The following KAZN variants were observed in gnomAD, a reference collection of about 807,000 sequenced individuals.
The protein encoded by KAZN is kazrin.
A neutral mutation model predicts 87.4 loss-of-function variants in KAZN; 40 were observed. The ratio of observed to expected loss-of-function variants is 0.46; its 90% confidence interval spans 0.36 to 0.60. The LOEUF (loss-of-function observed/expected upper bound fraction) is 0.60, where lower values mean the gene tolerates loss of function less well. KAZN is among the 20% of genes least tolerant of loss of function. The pLI, the probability that KAZN is intolerant of heterozygous loss-of-function variation, is 0.00. For synonymous variants in KAZN, 466 were observed against 458.3 expected (o/e 1.02, Z -0.22); for missense variants, 898 against 1,073.9 (o/e 0.84, Z 2.29).
chr1:14,787,238 G>A (rs1300200118), intron 1 of KAZN, among the ~76,000 whole-genome samples: 1 of 152,230 alleles, frequency 6.6e-6, no homozygotes, highest in African/African-American at 2.4e-5. Flanking sequence ...AAGAGTGGAA[G>A]TAATTTACCT....
intron 1 of KAZN, among the ~76,000 whole-genome samples, chr1:14,691,555 C>T (rs1641310372): frequency 6.6e-6 from 1 of 152,166 alleles, no homozygotes; most frequent in African/African-American, 2.4e-5. Context: ...GGCACAATCT[C>T]GGTTCACTGA....
chr1:14,409,144 C>T (rs1664099182), intron 2 of KAZN, among the ~76,000 whole-genome samples: 1 of 152,108 alleles, frequency 6.6e-6, no homozygotes, highest in South Asian at 2.1e-4. Context: ...CAAACAGTTA[C>T]AAATGTTTGA....
At chr1:14,226,309 T>A (rs1485654146) in intron 2 of KAZN, among the ~76,000 whole-genome samples, 5 of 151,780 alleles carry the variant, frequency 3.3e-5, no homozygotes, top group Admixed American at 3.3e-4. Context: ...TGAAAAAAAT[T>A]TTCAATATCA....
intron 6 of KAZN, 142 bp from the exon 7 acceptor site, chr1:15,063,430 G>T: frequency 5.7e-6 from 4 of 706,514 alleles, no homozygotes; most frequent in South Asian, 4.7e-5. Flanking sequence ...GGAGATGGGG[G>T]GTGGGCTCCC....
At chr1:14,721,254 G>C (rs1025935171) in intron 1 of KAZN, among the ~76,000 whole-genome samples, 3 of 152,112 alleles carry the variant, frequency 2.0e-5, no homozygotes, top group African/African-American at 7.2e-5. Flanking sequence ...TGCTATTCTC[G>C]TGCTTGTGAG....
intron 1 of KAZN, among the ~76,000 whole-genome samples, chr1:14,920,516 A>C (rs1248648579): frequency 2.0e-5 from 3 of 151,528 alleles, no homozygotes; most frequent in Non-Finnish European, 4.4e-5. Flanking sequence ...CTGCTGCCCC[A>C]CGGAGGCTGG....
intron 8 of KAZN, among the ~76,000 whole-genome samples, chr1:15,082,416 C>T (rs1440975524): frequency 6.6e-6 from 1 of 152,192 alleles, no homozygotes; most frequent in Non-Finnish European, 1.5e-5. Flanking sequence ...CTGCAGACAT[C>T]AAAAGAGGCT....
intron 1 of KAZN, among the ~76,000 whole-genome samples, chr1:14,617,816 C>A (rs888984964): frequency 6.6e-6 from 1 of 152,162 alleles, no homozygotes; most frequent in Non-Finnish European, 1.5e-5. Flanking sequence ...ATAAAAATCC[C>A]AAAGCGCAAA....
At chr1:15,040,481 G>A (rs1021480484) in intron 3 of KAZN, among the ~76,000 whole-genome samples, 6 of 152,168 alleles carry the variant, frequency 3.9e-5, no homozygotes, top group African/African-American at 9.7e-5. Flanking sequence ...GAATGTGGCC[G>A]ATGACCCAGC....
intron 2 of KAZN, among the ~76,000 whole-genome samples, chr1:15,026,557 G>A (rs1314337694): frequency 2.6e-5 from 4 of 152,124 alleles, no homozygotes; most frequent in Non-Finnish European, 4.4e-5. Context: ...CCCCAACTCT[G>A]AAGCTGTGTC....
chr1:15,105,556 G>A (rs1427788712), intron 13 of KAZN, among the ~76,000 whole-genome samples: 1 of 151,440 alleles, frequency 6.6e-6, no homozygotes, highest in Non-Finnish European at 1.5e-5. Flanking sequence ...CTGAGTTTGA[G>A]TTTTGTTTTT....
chr1:14,947,382 T>C (rs1408839896), intron 1 of KAZN, among the ~76,000 whole-genome samples: 1 of 152,164 alleles, frequency 6.6e-6, no homozygotes, highest in Non-Finnish European at 1.5e-5. Flanking sequence ...CTCCCCTGGG[T>C]ACCTCCCTTC....
chr1:14,798,985 C>T (rs895416387), intron 1 of KAZN, among the ~76,000 whole-genome samples: 5 of 151,876 alleles, frequency 3.3e-5, no homozygotes, highest in African/African-American at 1.2e-4. Flanking sequence ...CCAGGTTGCC[C>T]AGGCTGGTCT....
intron 1 of KAZN, among the ~76,000 whole-genome samples, chr1:14,942,556 C>T (rs952993567): frequency 1.3e-5 from 2 of 152,228 alleles, no homozygotes; most frequent in African/African-American, 2.4e-5. Flanking sequence ...ACCTACTCTT[C>T]TCTAGTCAGT....
At chr1:14,527,215 G>C (rs1671920371) in intron 2 of KAZN, among the ~76,000 whole-genome samples, 2 of 152,132 alleles carry the variant, frequency 1.3e-5, no homozygotes, top group Admixed American at 1.3e-4. Flanking sequence ...TAGTCTATTT[G>C]TGTTGCTGTA....
At chr1:14,358,501 TTTAA>T (rs1181859612) in intron 2 of KAZN, among the ~76,000 whole-genome samples, 4 of 152,190 alleles carry the variant, frequency 2.6e-5, no homozygotes, top group Admixed American at 1.3e-4. Context: ...CTCTAGTCCT[TTTAA>T]TTGTGATGTT....
Position 14,043,599 on chromosome 1 carries a change from C to G in KAZN, c.92-136836C>G, listed in dbSNP as rs1487921672. On this transcript the variant is annotated intron_variant, in intron 1 of 16. Coordinates refer to the KAZN transcript ENST00000636203. ...CAATTTCTCTATACCCTCTCCAACA[C>G]TTGTTATTTTCTGTTTTTTTTTTAA... Among the ~76,000 whole-genome samples, 4 of 126,528 alleles carry G rather than the reference C, an allele frequency of 3.2e-5. No homozygotes were observed. The South Asian group carries it at 7.5e-4, about 24-fold the overall frequency. 83.0% of individuals were successfully genotyped at this position (126,528 alleles called of 152,430 possible).
chr1:14,174,258 G>A (rs182698910), intron 1 of KAZN, among the ~76,000 whole-genome samples: 1 of 152,248 alleles, frequency 6.6e-6, no homozygotes, highest in East Asian at 1.9e-4. Context: ...AGTTCCGCAC[G>A]GTGGGAGACT....
At chr1:13,935,722 G>T (rs1426260972) in intron 1 of KAZN, among the ~76,000 whole-genome samples, 2 of 152,138 alleles carry the variant, frequency 1.3e-5, no homozygotes, top group Admixed American at 1.3e-4. Flanking sequence ...ACAGCGTGGG[G>T]TAGTAGATGG....
Sources: gnomAD v4.1 joint callset for allele counts (sites outside exome capture counted in the v4.1 genomes callset) on GRCh38, gnomAD v4.1.1 for gene constraint, MANE v1.5 for transcripts, NCBI Gene and HGNC (gene_info 2026-07-23, HGNC 2026-07-21) for gene names.